MNAT1: variants seen among roughly 807,000 people sequenced by gnomAD.
MNAT1 encodes the protein CDK-activating kinase assembly factor MAT1.
In MNAT1, 43 loss-of-function variants were observed where a neutral mutation model predicts 42.0. That is an observed-to-expected ratio of 1.02 (90% CI 0.80 to 1.32). The LOEUF (loss-of-function observed/expected upper bound fraction) is 1.32, where lower values mean the gene tolerates loss of function less well. Ranked by LOEUF, MNAT1 falls within the 40% of genes most tolerant of loss-of-function variation. The pLI is 0.00. For missense variants in MNAT1, 306 were observed against 350.4 expected (o/e 0.87, Z 1.01); for synonymous variants, 118 against 120.0 (o/e 0.98, Z 0.11).
At chr14:60,811,902 C>T (rs779246003) in intron 4 of MNAT1, 85 bp from the exon 5 acceptor site, 3 of 981,746 alleles carry the variant, frequency 3.1e-6, no homozygotes, top group Non-Finnish European at 4.3e-6. Flanking sequence ...TTTTATGCTT[C>T]CAATAAAGAA....
intron 7 of MNAT1, among the ~76,000 whole-genome samples, chr14:60,911,697 A>G (rs148156363): frequency 2.0e-5 from 3 of 151,870 alleles, no homozygotes; most frequent in Admixed American, 6.6e-5. Flanking sequence ...AGTTTGTTAT[A>G]ATTTTTGTTC....
chr14:60,870,022 T>C (rs1461464008), intron 6 of MNAT1, among the ~76,000 whole-genome samples: 1 of 152,144 alleles, frequency 6.6e-6, no homozygotes, highest in Non-Finnish European at 1.5e-5. Context: ...TTTTAAACTT[T>C]CTAAGAAAAG....
rs1240258001 is a variant in MNAT1 at position 60,740,964 on chromosome 14, C to G, written c.89+6013C>G. Among the ~76,000 whole-genome samples, 1 of 152,122 alleles carries G rather than the reference C, an allele frequency of 6.6e-6. No individual in the cohort carries two copies. The highest frequency in any genetic ancestry group is 1.5e-5 in the Non-Finnish European group (1 of 68,014). On this transcript the variant is annotated intron_variant, in intron 1 of 7. Coordinates refer to ENST00000261245, the MANE Select transcript of MNAT1 (RefSeq NM_002431.4). The surrounding 1 kb of genome is among the most constrained non-coding windows in gnomAD (Gnocchi z 4.1). ...TTATCTACTCATCTTATGAATTACT[C>G]CACTATGATTATAGATTTGTCAGTT... is the stretch of plus-strand genomic sequence containing the variant.
At chr14:60,799,951 C>G (rs1026058683) in intron 3 of MNAT1, among the ~76,000 whole-genome samples, 2 of 152,052 alleles carry the variant, frequency 1.3e-5, no homozygotes, top group Non-Finnish European at 2.9e-5. Context: ...GAAGGACTGT[C>G]TTCAGTTGCA....
intron 1 of MNAT1, among the ~76,000 whole-genome samples, chr14:60,768,858 C>T (rs984420253): frequency 3.3e-5 from 5 of 152,142 alleles, no homozygotes; most frequent in African/African-American, 1.2e-4. Context: ...TGTATAAACC[C>T]TTTTTGTTTT....
chr14:60,843,145 A>G (rs1766023428), intron 6 of MNAT1, among the ~76,000 whole-genome samples: 1 of 152,198 alleles, frequency 6.6e-6, no homozygotes, highest in South Asian at 2.1e-4. Flanking sequence ...ACTTTCAGTC[A>G]TATTTAATGT....
intron 7 of MNAT1, among the ~76,000 whole-genome samples, chr14:60,943,003 A>AGTGTGT (rs138575597): frequency 6.4e-5 from 5 of 78,474 alleles, no homozygotes; most frequent in South Asian, 6.2e-4. Context: ...AACCACATGT[A>AGTGTGT]GTGTGTGTGT....
chr14:60,887,502 C>G (rs186094053), intron 7 of MNAT1, among the ~76,000 whole-genome samples: 47 of 148,238 alleles, frequency 3.2e-4, no homozygotes, highest in African/African-American at 1.1e-3. Context: ...TTTGTCCTTG[C>G]GATAGTTTAC....
chr14:60,914,384 G>A (rs1036328129), intron 7 of MNAT1, among the ~76,000 whole-genome samples: 1 of 152,200 alleles, frequency 6.6e-6, no homozygotes, highest in Non-Finnish European at 1.5e-5. Flanking sequence ...AGCTCAGTTG[G>A]AAATGCAGAA....
chr14:60,817,874 C>T (rs2032762527), intron 5 of MNAT1, among the ~76,000 whole-genome samples: 1 of 151,768 alleles, frequency 6.6e-6, no homozygotes, highest in South Asian at 2.1e-4. Context: ...CAATCTCTCT[C>T]TCTGCTTGTG....
chr14:60,784,233 A>C, intron 1 of MNAT1, among the ~76,000 whole-genome samples: 1 of 114,910 alleles, frequency 8.7e-6, no homozygotes, highest in Admixed American at 1.2e-4. Context: ...CATGTTGGCC[A>C]GGCTGGTCTC....
intron 7 of MNAT1, among the ~76,000 whole-genome samples, chr14:60,920,896 A>G (rs960142707): frequency 6.6e-6 from 1 of 152,208 alleles, no homozygotes; most frequent in African/African-American, 2.4e-5. Context: ...AGACATGTAT[A>G]GCTTGGTGAC....
intron 6 of MNAT1, among the ~76,000 whole-genome samples, chr14:60,854,050 A>G (rs1196068173): frequency 6.6e-6 from 1 of 151,942 alleles, no homozygotes; most frequent in Non-Finnish European, 1.5e-5. Context: ...CAGTAAGTTG[A>G]TCCTCAATCT....
chr14:60,907,068 C>T (rs1395408951), intron 7 of MNAT1, among the ~76,000 whole-genome samples: 2 of 152,066 alleles, frequency 1.3e-5, no homozygotes, highest in Non-Finnish European at 2.9e-5. Context: ...AACAAAATTT[C>T]TATTTTTAAC....
At position 60,866,830 on chromosome 14, in the gene MNAT1, C is replaced by T. The variant is rs75151457; in HGVS notation, c.688-12884C>T. Among the ~76,000 whole-genome samples, 26 of 151,980 alleles carry T rather than the reference C, an allele frequency of 1.7e-4. No homozygotes were observed. In the East Asian group the frequency reaches 4.8e-3, roughly 28 times the overall value. On this transcript the variant is annotated intron_variant, in intron 6 of 7. Transcript: ENST00000261245. The stretch of plus-strand genomic sequence containing the variant: ...ATCTTTTAATGGAAGATACTATTTC[C>T]TAATTTTTTTCCAACCTTTTCAAAA...
intron 1 of MNAT1, among the ~76,000 whole-genome samples, chr14:60,749,693 C>T (rs2140291564): frequency 6.6e-6 from 1 of 152,152 alleles, no homozygotes; most frequent in Non-Finnish European, 1.5e-5. Context: ...TTTCAGTAGT[C>T]TATGTGCAAA....
chr14:60,780,538 T>A (rs965764344), intron 1 of MNAT1: 8 of 1,540,638 alleles, frequency 5.2e-6, no homozygotes, highest in Non-Finnish European at 7.2e-6. Flanking sequence ...GTTCATTTAC[T>A]ACTACAATCC....
chr14:60,810,941 A>G (rs1040223608), intron 4 of MNAT1, among the ~76,000 whole-genome samples: 2 of 152,154 alleles, frequency 1.3e-5, no homozygotes, highest in African/African-American at 2.4e-5. Flanking sequence ...AGTTCCATCC[A>G]TTACTGAATG....
chr14:60,894,975 AT>A (rs1390335667), intron 7 of MNAT1, among the ~76,000 whole-genome samples: 1 of 152,148 alleles, frequency 6.6e-6, no homozygotes, highest in Non-Finnish European at 1.5e-5. Flanking sequence ...TTGCTAAATA[AT>A]TTGTTTTTTT....
Sources: allele counts gnomAD v4.1 joint callset (sites outside exome capture counted in the v4.1 genomes callset), GRCh38; gene constraint gnomAD v4.1.1; non-coding constraint Gnocchi (gnomAD v3.1); transcripts MANE v1.5; gene names NCBI Gene and HGNC (gene_info 2026-07-23, HGNC 2026-07-21).